The following MZT2A variants were observed in gnomAD, a reference collection of about 807,000 sequenced individuals.
MZT2A encodes mitotic spindle organizing protein 2A.
Under a neutral mutation model 12.4 loss-of-function variants are expected in MZT2A, and 8 were observed. That is an observed-to-expected ratio of 0.64 (90% CI 0.38 to 1.16). MZT2A has a LOEUF of 1.16. Among genes scored for constraint, MZT2A ranks in the 50% most tolerant of loss-of-function variants. The pLI is 0.01. For missense variants in MZT2A, 181 were observed against 223.6 expected, an observed-to-expected ratio of 0.81 and a Z score of 1.22; for synonymous variants, 88 against 107.5, an observed-to-expected ratio of 0.82 and a Z score of 1.12.
chr2:131,492,712 G>A, upstream of MZT2A: 1 of 1,249,450 alleles, frequency 8.0e-7, no homozygotes, highest in Non-Finnish European at 1.0e-6. Context: ...TGGGCGCTCA[G>A]TCAATACCTG....
intron 2 of MZT2A, among the ~76,000 whole-genome samples, chr2:131,476,441 G>A (rs2622028): frequency 1.3e-5 from 2 of 152,184 alleles, no homozygotes; most frequent in Non-Finnish European, 2.9e-5. Context: ...CATTGACGGT[G>A]TCCCGTCCCC....
chr2:131,492,496 G>T (rs980223822), upstream of MZT2A: 3 of 1,131,860 alleles, frequency 2.7e-6, no homozygotes, highest in Admixed American at 4.9e-5. Flanking sequence ...GGAGCGGCGG[G>T]AGCGCGGGGA....
chr2:131,471,642 AG>A (rs1704988811), intron 3 of MZT2A, among the ~76,000 whole-genome samples: 1 of 151,072 alleles, frequency 6.6e-6, no homozygotes, highest in South Asian at 2.1e-4. Flanking sequence ...TTCTAAGAGC[AG>A]GGGGCATGGT....
intron 3 of MZT2A, chr2:131,471,975 C>T: frequency 8.7e-7 from 1 of 1,154,570 alleles, no homozygotes; most frequent in South Asian, 1.4e-5. Flanking sequence ...GAGCAGGAGT[C>T]CCAAGGAGGT....
chr2:131,486,327 CCA>C (rs1679049070), intron 2 of MZT2A: 1 of 166,784 alleles, frequency 6.0e-6, no homozygotes, highest in African/African-American at 2.4e-5. Context: ...GCAGCAGCTC[CCA>C]CACTGGGCCA....
At chr2:131,474,405 C>CTTTTTTTTT (rs70994777) in intron 2 of MZT2A, among the ~76,000 whole-genome samples, 4 of 94,830 alleles carry the variant, frequency 4.2e-5, no homozygotes, top group Non-Finnish European at 6.0e-5. Context: ...TCTTCTTCTT[C>CTTTTTTTTT]TTTTTTTTTT....
intron 2 of MZT2A, chr2:131,491,599 T>C: frequency 1.8e-6 from 1 of 569,550 alleles, no homozygotes; most frequent in South Asian, 2.1e-5. Context: ...GATGAAGGCC[T>C]GAGTGAAGAG....
intron 2 of MZT2A, chr2:131,490,087 T>G: frequency 1.2e-6 from 1 of 807,430 alleles, no homozygotes. Context: ...GGGCCTGAGC[T>G]CTGGGTGGCA....
At chr2:131,484,882 T>G (rs906418695) in intron 2 of MZT2A, among the ~76,000 whole-genome samples, 1 of 152,234 alleles carries the variant, frequency 6.6e-6, no homozygotes, top group Non-Finnish European at 1.5e-5. Context: ...CTCTCTCGGA[T>G]GAAGACCACA....
intron 2 of MZT2A, chr2:131,478,031 C>T (rs1422874937): frequency 2.4e-6 from 3 of 1,253,368 alleles, no homozygotes; most frequent in South Asian, 3.1e-5. Flanking sequence ...CACTAACCCT[C>T]CTAGGAAATA....
Position 131,491,101 on chromosome 2 carries a change from T to C in MZT2A, c.319+775A>G, listed in dbSNP as rs1322006305. The C allele has an allele frequency of 1.1e-5, 8 of 742,980 alleles. No individual in the cohort carries two copies. In the Admixed American group the frequency reaches 1.9e-4, roughly 17 times the overall value. The allele number at this position is 742,980 out of a possible 1,614,324, so 46.0% of individuals were successfully genotyped here. ...CCAGGCAGGGAGCCAGCTCTGGGCCTCCTTCCATTGGCCTGGGAGGTTGTG... is the reference window on the plus strand; with the variant it reads ...CCAGGCAGGGAGCCAGCTCTGGGCCCCCTTCCATTGGCCTGGGAGGTTGTG... On this transcript the variant is annotated intron_variant, in intron 2 of 2. Coordinates refer to ENST00000309451, the MANE Select transcript of MZT2A (RefSeq NM_001085365.2).
intron 2 of MZT2A, chr2:131,489,776 G>A: frequency 1.3e-6 from 1 of 796,290 alleles, no homozygotes; most frequent in African/African-American, 1.9e-5. Flanking sequence ...ACTTCCCGAA[G>A]TGCTGGGATT....
At chr2:131,484,270 A>G (rs1160411350) in intron 2 of MZT2A, 52 bp from the exon 3 acceptor site, 1 of 1,595,010 alleles carries the variant, frequency 6.3e-7, no homozygotes, top group Non-Finnish European at 8.6e-7. Context: ...CCATAAATGC[A>G]GCACCTGCTG....
At chr2:131,491,210 A>G (rs541514076) in intron 2 of MZT2A, 30 of 441,902 alleles carry the variant, frequency 6.8e-5, no homozygotes, top group South Asian at 6.1e-4. Flanking sequence ...TGACACTCTC[A>G]GTCCCAGCAT....
At chr2:131,480,057 G>A (rs1292118143), downstream of MZT2A, 3 of 1,568,270 alleles carry the variant, frequency 1.9e-6, no homozygotes, top group Non-Finnish European at 2.6e-6. Flanking sequence ...CACGTTGTGT[G>A]GTTTCTCTCA....
upstream of MZT2A, chr2:131,492,646 T>C (rs1679390250): frequency 1.6e-6 from 2 of 1,249,596 alleles, no homozygotes; most frequent in South Asian, 3.2e-5. Flanking sequence ...CCTGATAGAC[T>C]TGCATTGGTC....
upstream of MZT2A, chr2:131,493,111 C>T: frequency 1.3e-6 from 2 of 1,488,796 alleles, no homozygotes; most frequent in African/African-American, 1.4e-5. Context: ...GCTTCCACCT[C>T]TGAAGCGGGC....
chr2:131,488,198 C>T (rs540829916), intron 2 of MZT2A, among the ~76,000 whole-genome samples: 37 of 152,328 alleles, frequency 2.4e-4, no homozygotes, highest in African/African-American at 4.8e-5. Context: ...TCATCTTACA[C>T]GCATGCTCTG....
At chr2:131,492,853 G>A, upstream of MZT2A, 3 of 1,484,782 alleles carry the variant, frequency 2.0e-6, no homozygotes, top group Admixed American at 2.1e-5. Flanking sequence ...GAGAAAGTGC[G>A]TGAGCCCTAC....
Sources: allele counts gnomAD v4.1 joint callset (sites outside exome capture counted in the v4.1 genomes callset), GRCh38; gene constraint gnomAD v4.1.1; transcripts MANE v1.5; gene names NCBI Gene and HGNC (gene_info 2026-07-23, HGNC 2026-07-21).